The following SPTSSB variants were observed in gnomAD, a reference collection of about 807,000 sequenced individuals.
SPTSSB encodes serine palmitoyltransferase small subunit B.
Under a neutral mutation model 7.7 loss-of-function variants are expected in SPTSSB, and 6 were observed. The observed-to-expected ratio is 0.78, with a 90% CI of 0.43 to 1.54. SPTSSB has a LOEUF of 1.54. Ranked by LOEUF, SPTSSB falls within the 40% of genes most tolerant of loss-of-function variation. The pLI is 0.01. For missense variants in SPTSSB, 91 were observed against 93.0 expected, an observed-to-expected ratio of 0.98 and a Z score of 0.09; for synonymous variants, 28 against 29.7, an observed-to-expected ratio of 0.94 and a Z score of 0.19.
At position 161,367,876 on chromosome 3, in the gene SPTSSB, G is replaced by A. The variant is rs115931178; in HGVS notation, c.-126+3559C>T. Among the ~76,000 whole-genome samples the A allele has an allele frequency of 2.1e-3, 318 of 152,232 alleles. 3 individuals are homozygous for A. The highest frequency in any genetic ancestry group is 7.4e-3 in the African/African-American group (307 of 41,550). Reference sequence around the variant, plus strand: ...AATGTGGGCCTGAACAAACTCAACCGCTGGCCTGAATCACTGATAAAGGAC... The same window carrying A: ...AATGTGGGCCTGAACAAACTCAACCACTGGCCTGAATCACTGATAAAGGAC... On this transcript the variant is annotated intron_variant, in intron 1 of 2. Transcript: ENST00000620149.
chr3:161,346,390 A>G, intron 2 of SPTSSB, 35 bp from the exon 3 acceptor site: 2 of 1,093,058 alleles, frequency 1.8e-6, no homozygotes, highest in Non-Finnish European at 1.4e-6. Context: ...AGGATGAGGA[A>G]CCAAACATAG....
chr3:161,362,697 A>G (rs1488953159), intron 1 of SPTSSB, among the ~76,000 whole-genome samples: 2 of 152,050 alleles, frequency 1.3e-5, no homozygotes, highest in African/African-American at 4.8e-5. Context: ...GCATGACCAG[A>G]CTGTGAAATA....
At chr3:161,360,116 A>G (rs559064187) in intron 1 of SPTSSB, among the ~76,000 whole-genome samples, 4 of 152,300 alleles carry the variant, frequency 2.6e-5, no homozygotes, top group East Asian at 1.9e-4. Context: ...TGATTCCCCA[A>G]TCAGGACTAT....
In SPTSSB at chr3:161,371,516, G is replaced by A; in HGVS notation, c.-207C>T. The A allele has an allele frequency of 1.0e-6, 1 of 985,480 alleles. No individual in the cohort carries two copies. The highest frequency in any genetic ancestry group is 1.2e-6 in the Non-Finnish European group (1 of 829,994). The allele number at this position is 985,480 out of a possible 1,614,324, so 61.0% of individuals were successfully genotyped here. A position where few individuals can be genotyped will look rare whatever the true frequency, so the allele number is the denominator to read the frequency against. On this transcript the variant is annotated 5_prime_UTR_variant, in exon 1 of 3. Transcript: ENST00000620149. ...CCCCAGCTGCTGCGAGCTTCCCACTGCGCCGGGCGCCTGGGAGCCTCCCGG... is the reference window on the plus strand; with the variant it reads ...CCCCAGCTGCTGCGAGCTTCCCACTACGCCGGGCGCCTGGGAGCCTCCCGG...
chr3:161,371,034 T>A (rs1477710576), intron 1 of SPTSSB, among the ~76,000 whole-genome samples: 1 of 152,196 alleles, frequency 6.6e-6, no homozygotes, highest in Non-Finnish European at 1.5e-5. Context: ...AGTACAGTAG[T>A]TTAAGTAGCT....
Position 161,359,830 on chromosome 3 carries a change from C to A in SPTSSB, c.-61G>T. The A allele has an allele frequency of 1.0e-6, 1 of 983,784 alleles. No individual in the cohort carries two copies. Among genetic ancestry groups the A allele is most frequent in the Non-Finnish European group, 1.2e-6 (1 of 828,434 alleles). The allele number at this position is 983,784 out of a possible 1,614,324, so 60.9% of individuals were successfully genotyped here. A position where few individuals can be genotyped will look rare whatever the true frequency, so the allele number is the denominator to read the frequency against. Reference sequence around the variant, plus strand: ...AGAAAGTCCAGGTCTGGTTCTTCAGCCTTGCTCCTTCACGAAATGATCCTG... The same window carrying A: ...AGAAAGTCCAGGTCTGGTTCTTCAGACTTGCTCCTTCACGAAATGATCCTG... On this transcript the variant is annotated 5_prime_UTR_variant, in exon 2 of 3. Transcript: ENST00000620149.
chr3:161,371,442 T>C lies in SPTSSB; in HGVS notation c.-133A>G. Reference sequence around the variant, plus strand: ...ATTTTGGAAGATGCTTACCTCCCAGTTGGGTGTATCTCCCTGCGGCTTAGG... The same window carrying C: ...ATTTTGGAAGATGCTTACCTCCCAGCTGGGTGTATCTCCCTGCGGCTTAGG... On this transcript the variant is annotated 5_prime_UTR_variant, in exon 1 of 3. Transcript: ENST00000620149. 1 of 985,478 alleles carries C rather than the reference T, an allele frequency of 1.0e-6. No homozygotes were observed. The highest frequency in any genetic ancestry group is 1.2e-6 in the Non-Finnish European group (1 of 829,958). The allele number at this position is 985,478 out of a possible 1,614,324, so 61.0% of individuals were successfully genotyped here.
In SPTSSB at chr3:161,365,858, A is replaced by G. The variant is rs9844860; in HGVS notation, c.-126+5577T>C. Among the ~76,000 whole-genome samples the G allele has an allele frequency of 9.3e-3, 1,423 of 152,354 alleles. 35 individuals are homozygous for G. The highest frequency in any genetic ancestry group is 0.014 in the South Asian group (69 of 4,826). ...GCACCCATTATATTTCACTAGAAAG[A>G]GACCTCCTCAGGTCTCCTTTAAACC... is the stretch of plus-strand genomic sequence containing the variant. On this transcript the variant is annotated intron_variant, in intron 1 of 2. Coordinates refer to ENST00000620149, the MANE Select transcript of SPTSSB (RefSeq NM_001040100.2).
intron 2 of SPTSSB, among the ~76,000 whole-genome samples, chr3:161,356,843 G>A (rs1236226255): frequency 1.3e-5 from 2 of 152,124 alleles, no homozygotes; most frequent in African/African-American, 2.4e-5. Context: ...ACAGAAAAGA[G>A]TGGAGGCTGG....
rs142624218 is a variant in SPTSSB at position 161,361,419 on chromosome 3, T to C, written c.-125-1525A>G. Among the ~76,000 whole-genome samples, 13 of 152,302 alleles carry C rather than the reference T, an allele frequency of 8.5e-5. No homozygotes were observed. The East Asian group carries it at 2.5e-3, about 29-fold the overall frequency. Reference sequence around the variant, plus strand: ...CTCACCGATTCTAAGATAGTATTTCTACAGTAGAATTAAATATTCCACCAG... The same window carrying C: ...CTCACCGATTCTAAGATAGTATTTCCACAGTAGAATTAAATATTCCACCAG... On this transcript the variant is annotated intron_variant, in intron 1 of 2. Coordinates refer to ENST00000620149, the MANE Select transcript of SPTSSB (RefSeq NM_001040100.2).
At chr3:161,350,541 A>AT (rs1484397205) in intron 2 of SPTSSB, among the ~76,000 whole-genome samples, 1 of 151,760 alleles carries the variant, frequency 6.6e-6, no homozygotes, top group Non-Finnish European at 1.5e-5. Flanking sequence ...TTTGTGCTTC[A>AT]TATTTGGAAC....
chr3:161,356,430 T>C (rs1182314703), intron 2 of SPTSSB, among the ~76,000 whole-genome samples: 2 of 152,112 alleles, frequency 1.3e-5, no homozygotes, highest in Non-Finnish European at 2.9e-5. Context: ...AGGGTGAAAA[T>C]GGTGAGTTAC....
At chr3:161,367,925 A>T (rs1032803403) in intron 1 of SPTSSB, among the ~76,000 whole-genome samples, 3 of 152,234 alleles carry the variant, frequency 2.0e-5, no homozygotes, top group African/African-American at 7.2e-5. Flanking sequence ...AAGTAGGAGG[A>T]ACAAGTGGCC....
intron 1 of SPTSSB, among the ~76,000 whole-genome samples, chr3:161,364,135 T>A (rs926795269): frequency 8.5e-5 from 13 of 152,162 alleles, no homozygotes; most frequent in African/African-American, 1.2e-4. Flanking sequence ...TACTTTTTTT[T>A]AAAATTTCTC....
At position 161,345,889 on chromosome 3, in the gene SPTSSB, G is replaced by A. The variant is rs1403718857; in HGVS notation, c.*204C>T. ...AGGTAAAGTCACTGTATTATCTCCGGTCTAAAGCACAATGTAGCATGTGCA... is the reference window on the plus strand; with the variant it reads ...AGGTAAAGTCACTGTATTATCTCCGATCTAAAGCACAATGTAGCATGTGCA... On this transcript the variant is annotated 3_prime_UTR_variant, in exon 3 of 3. Transcript: ENST00000620149. 2.2e-6 allele frequency: 1 copy of A among 463,246 alleles called. No homozygotes were observed. The highest frequency in any genetic ancestry group is 2.0e-5 in the African/African-American group (1 of 50,870). The allele number at this position is 463,246 out of a possible 1,614,324, so 28.7% of individuals were successfully genotyped here.
rs1714219030 is a variant in SPTSSB at position 161,346,203 on chromosome 3, T to C, written c.121A>G (p.Ile41Val). The part of the protein sequence containing the change: ...RSMFNTILLT[I>V]IAMVVYTAYV... ...GCAGTGTATACCACCATAGCAATAA[T>C]GGTTAGTAAGATGGTGTTAAACATA... The change falls in exon 3 of 3, where the codon ATT becomes GTT. Residue 41 changes from isoleucine to valine, a missense_variant. Physicochemically the swap from Ile to Val is conservative, Grantham distance 29. Transcript: ENST00000620149. The C allele has an allele frequency of 6.2e-7, 1 of 1,612,062 alleles. No individual in the cohort carries two copies. The highest frequency in any genetic ancestry group is 1.1e-5 in the South Asian group (1 of 91,052).
intron 1 of SPTSSB, among the ~76,000 whole-genome samples, chr3:161,368,593 ATTTTTTGTATTT>A (rs945832156): frequency 1.3e-5 from 2 of 151,408 alleles, no homozygotes; most frequent in Non-Finnish European, 2.9e-5. Flanking sequence ...CGCCCGGCTA[ATTTTTTGTATTT>A]TTAGTAGAGA....
intron 2 of SPTSSB, among the ~76,000 whole-genome samples, chr3:161,354,726 C>T (rs760971460): frequency 1.8e-4 from 28 of 152,314 alleles, no homozygotes; most frequent in Middle Eastern, 3.4e-3. Context: ...TCTAGTCCAA[C>T]TATCAATTGG....
At chr3:161,362,991 CA>C in intron 1 of SPTSSB, among the ~76,000 whole-genome samples, 2 of 151,838 alleles carry the variant, frequency 1.3e-5, no homozygotes, top group East Asian at 3.9e-4. Flanking sequence ...GTATGTATAT[CA>C]TTTGTAAATT....
Sources: allele counts gnomAD v4.1 joint callset (sites outside exome capture counted in the v4.1 genomes callset), GRCh38; gene constraint gnomAD v4.1.1; transcripts MANE v1.5; gene names NCBI Gene and HGNC (gene_info 2026-07-23, HGNC 2026-07-21).